Variants in CNGA1 observed in about 807,000 individuals in gnomAD.
CNGA1 encodes cyclic nucleotide-gated channel alpha-1.
A neutral mutation model predicts 69.7 loss-of-function variants in CNGA1; 53 were observed. The observed-to-expected ratio is 0.76, with a 90% confidence interval of 0.61 to 0.96. The LOEUF (loss-of-function observed/expected upper bound fraction) is 0.96, where lower values mean the gene tolerates loss of function less well. Ranked by LOEUF, CNGA1 falls within the 40% of genes least tolerant of loss-of-function variation. The probability of loss-of-function intolerance (pLI) is 0.00; values close to 1 mark genes in which losing one functional copy is unlikely to be tolerated. For missense variants in CNGA1, 739 were observed against 811.2 expected (o/e 0.91, Z 1.08); for synonymous variants, 249 against 283.5 (o/e 0.88, Z 1.22).
At chr4:47,953,198 G>A (rs2110161580) in intron 3 of CNGA1, among the ~76,000 whole-genome samples, 1 of 152,238 alleles carries the variant, frequency 6.6e-6, no homozygotes, top group South Asian at 2.1e-4. Flanking sequence ...TTTTACATAG[G>A]AATTATTCTT....
chr4:47,982,816 T>G (rs1170668374), intron 2 of CNGA1, among the ~76,000 whole-genome samples: 1 of 152,146 alleles, frequency 6.6e-6, no homozygotes, highest in East Asian at 1.9e-4. Context: ...TGAACATTCT[T>G]TTTTTTAAGA....
At chr4:47,967,207 G>A (rs1740770753) in intron 3 of CNGA1, among the ~76,000 whole-genome samples, 1 of 152,154 alleles carries the variant, frequency 6.6e-6, no homozygotes. Context: ...GAAAGCTGAG[G>A]CAGGAGAATC....
intron 2 of CNGA1, among the ~76,000 whole-genome samples, chr4:47,990,789 A>C (rs1476990767): frequency 6.6e-6 from 1 of 152,178 alleles, no homozygotes; most frequent in African/African-American, 2.4e-5. Flanking sequence ...ACTTAGGGAA[A>C]ATAGAAAGAA....
chr4:47,964,515 T>A (rs1420898222), intron 3 of CNGA1, among the ~76,000 whole-genome samples: 6 of 152,034 alleles, frequency 3.9e-5, no homozygotes, highest in African/African-American at 1.4e-4. Flanking sequence ...TTTATAATTA[T>A]TTATAAATAT....
intron 3 of CNGA1, among the ~76,000 whole-genome samples, chr4:47,973,066 CT>C (rs3058684): frequency 6.6e-4 from 79 of 120,226 alleles, no homozygotes; most frequent in Middle Eastern, 8.4e-3. Flanking sequence ...AAAGCACCAT[CT>C]TTTTTTTTTT....
chr4:47,972,921 A>T (rs1215190007), intron 3 of CNGA1, among the ~76,000 whole-genome samples: 2 of 152,196 alleles, frequency 1.3e-5, no homozygotes, highest in Non-Finnish European at 2.9e-5. Flanking sequence ...CCATTTCACA[A>T]CAAATATTTG....
In CNGA1 at chr4:47,936,448, C is replaced by T. The variant is rs73145999; in HGVS notation, c.2034G>A (p.Ala678=). 3.0e-3 allele frequency: 4,861 copies of T among 1,614,064 alleles called. 128 individuals are homozygous for T. The African/African-American group carries it at 0.056, about 19-fold the overall frequency. Residue 678 remains alanine, a synonymous_variant, in exon 11 of 11, where the codon GCG becomes GCA. Coordinates refer to ENST00000514170, the MANE Select transcript of CNGA1 (RefSeq NM_001379270.1). ...TEFSSIEGPG[A]ESGPIDST ...ATGTAGAGTCGATGGGCCCACTTTCCGCTCCAGGTCCCTCAATACTTGAAA... is the reference window on the plus strand; with the variant it reads ...ATGTAGAGTCGATGGGCCCACTTTCTGCTCCAGGTCCCTCAATACTTGAAA...
intron 10 of CNGA1, among the ~76,000 whole-genome samples, chr4:47,939,176 T>A (rs1369067879): frequency 5.9e-5 from 9 of 152,120 alleles, no homozygotes; most frequent in Admixed American, 5.9e-4. Context: ...CTTGGAACTT[T>A]TACCCCAACC....
In CNGA1 at chr4:47,937,011, A is replaced by G. The variant is rs746381231; in HGVS notation, c.1471T>C (p.Leu491=). The part of the protein sequence containing the change: ...AGLLVELVLK[L]QPQVYSPGDY... ...CCAGGACTGTAGACTTGGGGTTGCA[A>G]TTTCAAGACCAACTCCACCAACAGA... is the stretch of plus-strand genomic sequence containing the variant. The change falls in exon 11 of 11, where the codon TTG becomes CTG. Residue 491 remains leucine (L), a synonymous_variant. Coordinates refer to ENST00000514170, the MANE Select transcript of CNGA1 (RefSeq NM_001379270.1). 6.2e-6 allele frequency: 10 copies of G among 1,613,960 alleles called. No individual in the cohort carries two copies. In the East Asian group the frequency reaches 6.7e-5, roughly 11 times the overall value.
At chr4:47,995,223 C>A (rs967968452) in intron 2 of CNGA1, among the ~76,000 whole-genome samples, 2 of 152,076 alleles carry the variant, frequency 1.3e-5, no homozygotes, top group African/African-American at 4.8e-5. Context: ...ATGTCTAGGT[C>A]TCTAGCAAGG....
chr4:47,990,399 T>C (rs2581494), intron 2 of CNGA1, among the ~76,000 whole-genome samples: 67,261 of 151,844 alleles, frequency 0.44, 15,073 homozygotes, highest in East Asian at 0.6. Context: ...CCCTGGTCTC[T>C]TGCAGTACCC....
intron 2 of CNGA1, among the ~76,000 whole-genome samples, chr4:48,003,976 A>C (rs1392465104): frequency 7.0e-6 from 1 of 143,444 alleles, no homozygotes; most frequent in East Asian, 2.0e-4. Flanking sequence ...GCCCGCCCGC[A>C]GTTATCCAGA....
intron 2 of CNGA1, among the ~76,000 whole-genome samples, chr4:47,990,776 A>C (rs1742229057): frequency 6.6e-6 from 1 of 152,144 alleles, no homozygotes; most frequent in Non-Finnish European, 1.5e-5. Flanking sequence ...CAGACCAGCC[A>C]ACACTTAGGG....
chr4:47,974,117 TA>T (rs958726984), intron 3 of CNGA1, among the ~76,000 whole-genome samples: 148 of 148,906 alleles, frequency 9.9e-4, no homozygotes, highest in African/African-American at 3.5e-3. Context: ...GATAGATAGA[TA>T]GATAGATGAT....
chr4:47,961,134 A>G (rs936692300), intron 3 of CNGA1, among the ~76,000 whole-genome samples: 1 of 152,228 alleles, frequency 6.6e-6, no homozygotes, highest in South Asian at 2.1e-4. Flanking sequence ...AGAATGGAAA[A>G]AAAGAAATTC....
intron 3 of CNGA1, among the ~76,000 whole-genome samples, chr4:47,978,782 A>T (rs1741545209): frequency 6.6e-6 from 1 of 152,106 alleles, no homozygotes; most frequent in Admixed American, 6.6e-5. Flanking sequence ...AATTTCTCCT[A>T]TTTTGCCCAT....
Position 47,936,934 on chromosome 4 carries a change from C to T in CNGA1, c.1548G>A (p.Lys516=), listed in dbSNP as rs764456378. Residue 516 remains lysine, a synonymous_variant, in exon 11 of 11, where the codon AAG becomes AAA. Coordinates refer to ENST00000514170, the MANE Select transcript of CNGA1 (RefSeq NM_001379270.1). ...GDIGREMYII[K]EGKLAVVADD... ...CTGCCACCACAGCGAGTTTGCCTTCCTTGATAATGTACATCTCTCGTCCGA... is the reference window on the plus strand; with the variant it reads ...CTGCCACCACAGCGAGTTTGCCTTCTTTGATAATGTACATCTCTCGTCCGA... 1 of 1,613,996 alleles carries T rather than the reference C, an allele frequency of 6.2e-7. No individual in the cohort carries two copies. Among genetic ancestry groups the T allele is most frequent in the Non-Finnish European group, 8.5e-7 (1 of 1,179,990 alleles).
intron 2 of CNGA1, among the ~76,000 whole-genome samples, chr4:48,007,246 A>G (rs1471460171): frequency 6.6e-6 from 1 of 152,174 alleles, no homozygotes; most frequent in Non-Finnish European, 1.5e-5. Flanking sequence ...ACCTTTATTA[A>G]GGAGTTGGTT....
chr4:47,965,287 T>C (rs1472845159), intron 3 of CNGA1, among the ~76,000 whole-genome samples: 1 of 152,178 alleles, frequency 6.6e-6, no homozygotes, highest in Non-Finnish European at 1.5e-5. Context: ...ATATTAGAAA[T>C]GGGAATTAAT....
Sources: allele counts gnomAD v4.1 joint callset (sites outside exome capture counted in the v4.1 genomes callset), GRCh38; gene constraint gnomAD v4.1.1; transcripts MANE v1.5; gene names NCBI Gene and HGNC (gene_info 2026-07-23, HGNC 2026-07-21).